LRMDA: variants seen among roughly 807,000 people sequenced by gnomAD.
The protein encoded by LRMDA is leucine rich melanocyte differentiation associated.
LRMDA carries 18 observed loss-of-function variants against 29.8 expected under a neutral mutation model. The ratio of observed to expected loss-of-function variants is 0.60; its 90% CI spans 0.42 to 0.90. The LOEUF (loss-of-function observed/expected upper bound fraction) is 0.90, where lower values mean the gene tolerates loss of function less well. Among genes scored for constraint, LRMDA ranks in the 40% least tolerant of loss-of-function variants. The pLI is 0.00. For missense variants in LRMDA, 273 were observed against 273.9 expected (o/e 1.00, Z 0.02); for synonymous variants, 125 against 109.4 (o/e 1.14, Z -0.89).
At chr10:76,250,670 T>G (rs1010694276) in intron 5 of LRMDA, among the ~76,000 whole-genome samples, 4 of 152,190 alleles carry the variant, frequency 2.6e-5, no homozygotes, top group Non-Finnish European at 5.9e-5. Flanking sequence ...TGCTTTGAAT[T>G]TGGTTTCCCC....
chr10:75,643,209 A>G (rs1384438397), intron 2 of LRMDA: 1 of 152,018 alleles, frequency 6.6e-6, no homozygotes, highest in African/African-American at 2.4e-5. Context: ...AGGTTAATTG[A>G]TTCAAGTCAT....
At chr10:75,968,559 G>A (rs527612210) in intron 2 of LRMDA, among the ~76,000 whole-genome samples, 3 of 152,200 alleles carry the variant, frequency 2.0e-5, no homozygotes, top group East Asian at 1.9e-4. Flanking sequence ...GGGGCTTGCC[G>A]GATACTTTCT....
intron 5 of LRMDA, among the ~76,000 whole-genome samples, chr10:76,174,918 C>T (rs1284836410): frequency 6.6e-6 from 1 of 152,038 alleles, no homozygotes; most frequent in East Asian, 1.9e-4. Flanking sequence ...CTCAGGAGTT[C>T]GAGACTAGCC....
intron 6 of LRMDA, among the ~76,000 whole-genome samples, chr10:76,545,196 T>G (rs11001817): frequency 1.8e-5 from 2 of 112,124 alleles, no homozygotes; most frequent in Non-Finnish European, 3.8e-5. Flanking sequence ...TTTTTTTTTG[T>G]AGCTTGAAGA....
intron 2 of LRMDA, among the ~76,000 whole-genome samples, chr10:75,818,059 G>A (rs1453913284): frequency 6.6e-6 from 1 of 152,188 alleles, no homozygotes; most frequent in Non-Finnish European, 1.5e-5. Flanking sequence ...AACAAGATCT[G>A]GAGAAGTGAG....
At chr10:76,266,924 C>G (rs970336614) in intron 5 of LRMDA, among the ~76,000 whole-genome samples, 1 of 152,084 alleles carries the variant, frequency 6.6e-6, no homozygotes, top group Non-Finnish European at 1.5e-5. Context: ...GGGTGATGAT[C>G]CAATTAATAT....
chr10:76,074,809 A>G (rs1848932060), intron 5 of LRMDA, among the ~76,000 whole-genome samples: 1 of 152,136 alleles, frequency 6.6e-6, no homozygotes, highest in East Asian at 1.9e-4. Flanking sequence ...TTGAGGAGCT[A>G]CATGTATTAG....
intron 2 of LRMDA, among the ~76,000 whole-genome samples, chr10:75,853,127 A>G (rs189047491): frequency 3.5e-3 from 533 of 152,240 alleles, no homozygotes; most frequent in Non-Finnish European, 3.8e-3. Context: ...CCCACGACAC[A>G]TGGGGATTAT....
At chr10:76,390,186 A>C (rs1841706207) in intron 6 of LRMDA, among the ~76,000 whole-genome samples, 1 of 152,188 alleles carries the variant, frequency 6.6e-6, no homozygotes, top group Non-Finnish European at 1.5e-5. Flanking sequence ...GCTCGCTTTT[A>C]AAAATAGCTA....
At chr10:76,232,856 T>A (rs1372420511) in intron 5 of LRMDA, among the ~76,000 whole-genome samples, 1 of 152,182 alleles carries the variant, frequency 6.6e-6, no homozygotes, top group Non-Finnish European at 1.5e-5. Flanking sequence ...GCCTGGGGCC[T>A]TTTATGGACT....
intron 5 of LRMDA, among the ~76,000 whole-genome samples, chr10:76,322,622 A>G (rs1840785238): frequency 6.6e-6 from 1 of 152,226 alleles, no homozygotes; most frequent in Admixed American, 6.5e-5. Flanking sequence ...AAAAGGTAGC[A>G]TTTGTTCCAG....
chr10:76,363,756 A>C (rs554292290), intron 6 of LRMDA, among the ~76,000 whole-genome samples: 1 of 152,116 alleles, frequency 6.6e-6, no homozygotes, highest in African/African-American at 2.4e-5. Flanking sequence ...TTAAAGGCGA[A>C]GTTATTTATT....
intron 2 of LRMDA, among the ~76,000 whole-genome samples, chr10:75,868,827 C>A (rs1384159296): frequency 6.6e-6 from 1 of 152,196 alleles, no homozygotes; most frequent in Non-Finnish European, 1.5e-5. Flanking sequence ...GAAGTGCCGT[C>A]TCACCCAGGA....
In LRMDA at chr10:75,667,988, A is replaced by G. The variant is rs140190543; in HGVS notation, c.131+229494A>G. On this transcript the variant is annotated intron_variant, in intron 2 of 6. Transcript: ENST00000611255. Reference sequence around the variant, plus strand: ...ACAGCAACCACTCACACTAACACCTATTTCTTCCATTCCTTTGGTTAATTC... The same window carrying G: ...ACAGCAACCACTCACACTAACACCTGTTTCTTCCATTCCTTTGGTTAATTC... 2.2e-4 allele frequency among the ~76,000 whole-genome samples: 33 copies of G among 152,296 alleles called. No homozygotes were observed. In the East Asian group the frequency reaches 3.5e-3, roughly 16 times the overall value.
rs113024518 is a variant in LRMDA at position 76,153,943 on chromosome 10, T to G, written c.516+95160T>G. On this transcript the variant is annotated intron_variant, in intron 5 of 6. Transcript: ENST00000611255. ...AAATGTTGGCAGTGGCCATATGGAC[T>G]GTTGTGTTTAGAAGTCTTAGGTTGC... Among the ~76,000 whole-genome samples, 1,040 of 152,326 alleles carry G rather than the reference T, an allele frequency of 6.8e-3. 6 individuals are homozygous for G. The highest frequency in any genetic ancestry group is 9.8e-3 in the Non-Finnish European group (666 of 68,024).
chr10:76,158,826 AG>A (rs1369568907), intron 5 of LRMDA, among the ~76,000 whole-genome samples: 2 of 152,172 alleles, frequency 1.3e-5, no homozygotes, highest in Non-Finnish European at 2.9e-5. Flanking sequence ...GTCCTAAAGA[AG>A]CTTGGATATA....
chr10:75,621,415 G>T (rs1841184801), intron 2 of LRMDA, among the ~76,000 whole-genome samples: 1 of 152,188 alleles, frequency 6.6e-6, no homozygotes, highest in Non-Finnish European at 1.5e-5. Context: ...TCTCCACAAA[G>T]TCTCATGCAG....
At chr10:75,603,681 C>T (rs1487522811) in intron 2 of LRMDA, among the ~76,000 whole-genome samples, 1 of 152,104 alleles carries the variant, frequency 6.6e-6, no homozygotes, top group African/African-American at 2.4e-5. Context: ...CATGGATTCC[C>T]CTCAACACCA....
At chr10:76,299,900 G>T (rs908184073) in intron 5 of LRMDA, among the ~76,000 whole-genome samples, 26 of 152,074 alleles carry the variant, frequency 1.7e-4, no homozygotes, top group African/African-American at 6.3e-4. Context: ...CGGACAATTT[G>T]CTCAGCTTTC....
Sources: gnomAD v4.1 joint callset for allele counts (sites outside exome capture counted in the v4.1 genomes callset) on GRCh38, gnomAD v4.1.1 for gene constraint, MANE v1.5 for transcripts, NCBI Gene and HGNC (gene_info 2026-07-23, HGNC 2026-07-21) for gene names.